KMT2C: variants seen among roughly 807,000 people sequenced by gnomAD.
KMT2C encodes the protein lysine methyltransferase 2C, also known as histone-lysine N-methyltransferase 2C.
A neutral mutation model predicts 507.9 loss-of-function variants in KMT2C; 88 were observed. That is an observed-to-expected ratio of 0.17 (90% CI 0.15 to 0.21). The LOEUF is 0.21. Ranked by LOEUF, KMT2C falls within the 10% of genes least tolerant of loss-of-function variation. KMT2C has a pLI of 1.00. For synonymous variants in KMT2C, 2,049 were observed against 2,080.8 expected, an observed-to-expected ratio of 0.98 and a Z score of 0.42; for missense variants, 4,954 against 5,957.8, an observed-to-expected ratio of 0.83 and a Z score of 5.55.
chr7:152,372,121 A>C (rs1209179328), intron 1 of KMT2C, among the ~76,000 whole-genome samples: 3 of 152,178 alleles, frequency 2.0e-5, no homozygotes. Flanking sequence ...ATTTTAAATG[A>C]AAAGAATTAA....
chr7:152,329,852 T>A (rs1198342837), intron 3 of KMT2C, among the ~76,000 whole-genome samples: 3 of 151,928 alleles, frequency 2.0e-5, no homozygotes, highest in Admixed American at 2.0e-4. Flanking sequence ...AATTATACAA[T>A]GATATATTAC....
intron 9 of KMT2C, among the ~76,000 whole-genome samples, chr7:152,258,154 A>G (rs1447965734): frequency 6.6e-5 from 10 of 152,240 alleles, no homozygotes; most frequent in Admixed American, 2.0e-4. Flanking sequence ...GCTGGGGCAC[A>G]GGAGGTATAA....
chr7:152,220,401 A>G, intron 23 of KMT2C, 122 bp downstream of exon 23: 1 of 766,308 alleles, frequency 1.3e-6, no homozygotes, highest in Non-Finnish European at 2.1e-6. Context: ...AGGGTCAGTC[A>G]CATCAGGGGT....
chr7:152,225,615 A>C (rs2094903678), intron 18 of KMT2C, among the ~76,000 whole-genome samples: 1 of 152,218 alleles, frequency 6.6e-6, no homozygotes, highest in South Asian at 2.1e-4. Context: ...GATATGCGGA[A>C]CAGAATGAGG....
At chr7:152,385,354 T>C (rs1346037465) in intron 1 of KMT2C, among the ~76,000 whole-genome samples, 1 of 141,604 alleles carries the variant, frequency 7.1e-6, no homozygotes, top group Non-Finnish European at 1.5e-5. Flanking sequence ...GGCTCACGCC[T>C]GTAATCCCAG....
intron 1 of KMT2C, among the ~76,000 whole-genome samples, chr7:152,426,992 T>C (rs1193898383): frequency 1.3e-5 from 2 of 152,018 alleles, no homozygotes; most frequent in Admixed American, 1.3e-4. Context: ...TGAAAGAATA[T>C]ACTCCCCAGA....
intron 17 of KMT2C, 96 bp downstream of exon 17, chr7:152,230,124 T>C (rs1208863735): frequency 1.1e-5 from 11 of 957,496 alleles, no homozygotes; most frequent in South Asian, 1.5e-5. Flanking sequence ...TATAGCTCTA[T>C]AGCTAAATAT....
chr7:152,167,048 CA>C (rs758737694), intron 42 of KMT2C, 97 bp downstream of exon 42: 44 of 959,856 alleles, frequency 4.6e-5, no homozygotes, highest in Non-Finnish European at 4.7e-5. Context: ...TAATACTAGT[CA>C]AAAAAAATCA....
chr7:152,276,990 G>C (rs891103394), intron 6 of KMT2C, among the ~76,000 whole-genome samples: 7 of 152,076 alleles, frequency 4.6e-5, no homozygotes, highest in African/African-American at 1.7e-4. Flanking sequence ...CCAATTTTAA[G>C]AATGAGTCTG....
intron 48 of KMT2C, among the ~76,000 whole-genome samples, chr7:152,153,760 A>G (rs548058575): frequency 1.1e-4 from 16 of 152,122 alleles, no homozygotes; most frequent in African/African-American, 3.1e-4. Context: ...AGAGTTCTCT[A>G]AAGTATACAT....
At chr7:152,215,507 C>G (rs1420394597) in intron 23 of KMT2C, among the ~76,000 whole-genome samples, 1 of 94,388 alleles carries the variant, frequency 1.1e-5, no homozygotes, top group Non-Finnish European at 1.8e-5. Flanking sequence ...CAGCAAGACT[C>G]TGTCTCAAAA....
chr7:152,393,680 G>A (rs2097518456), intron 1 of KMT2C, among the ~76,000 whole-genome samples: 1 of 152,136 alleles, frequency 6.6e-6, no homozygotes, highest in Non-Finnish European at 1.5e-5. Flanking sequence ...TTGGGAGGCT[G>A]AAGCAGGCAG....
Position 152,199,313 on chromosome 7 carries a change from A to C in KMT2C, c.4239T>G (p.Ser1413Arg), listed in dbSNP as rs2094061648. 6.3e-7 allele frequency: 1 copy of C among 1,599,388 alleles called. No homozygotes were observed. Among genetic ancestry groups the C allele is most frequent in the Admixed American group, 1.8e-5 (1 of 56,854 alleles). Reference protein sequence around the residue: ...FLDPSLDPLLSSSSAPTKSGT... With the variant: ...FLDPSLDPLLRSSSAPTKSGT... ...CAGATTTTGTTGGAGCCGAGGATGAACTAAGTAGTGGATCTAAGGAAGGAT... is the reference window on the plus strand; with the variant it reads ...CAGATTTTGTTGGAGCCGAGGATGACCTAAGTAGTGGATCTAAGGAAGGAT... Residue 1413 changes from serine to arginine, a missense_variant, in exon 27 of 59, where the codon AGT becomes AGG. Physicochemically the swap from Ser to Arg is moderately radical, Grantham distance 110. This residue lies in a region of KMT2C where 140 missense variants were observed against 118.4 expected (regional missense o/e 1.18). Transcript: ENST00000262189.
rs1166701811 is a variant in KMT2C, at chr7:152,323,222, GC to G, written c.389+7378del. ...ATCAATGTCAAAAGGATATCTGCAT[GC>G]CCATGCTTACTACAGCATTACTTAC... is the stretch of plus-strand genomic sequence containing the variant. On this transcript the variant is annotated intron_variant, in intron 3 of 58. Coordinates refer to ENST00000262189, the MANE Select transcript of KMT2C (RefSeq NM_170606.3). Among the ~76,000 whole-genome samples, 7 of 151,982 alleles carry G rather than the reference GC, an allele frequency of 4.6e-5. No individual in the cohort carries two copies. In the East Asian group the frequency reaches 1.3e-3, roughly 29 times the overall value.
At chr7:152,416,846 TTCAAGACTAGC>T (rs1363067782) in intron 1 of KMT2C, among the ~76,000 whole-genome samples, 1 of 146,704 alleles carries the variant, frequency 6.8e-6, no homozygotes, top group East Asian at 2.0e-4. Context: ...GAGACAGGAG[TTCAAGACTAGC>T]CTGGCCAACA....
At chr7:152,255,806 T>G (rs568721640) in intron 9 of KMT2C, among the ~76,000 whole-genome samples, 1 of 152,090 alleles carries the variant, frequency 6.6e-6, no homozygotes, top group Non-Finnish European at 1.5e-5. Flanking sequence ...GAATAGCCAG[T>G]TGGAAAAAGA....
At chr7:152,395,180 A>AT (rs938862747) in intron 1 of KMT2C, among the ~76,000 whole-genome samples, 5 of 152,286 alleles carry the variant, frequency 3.3e-5, no homozygotes, top group African/African-American at 1.2e-4. Flanking sequence ...CATTAAAAAA[A>AT]TTTTAAGGGT....
At chr7:152,188,150 C>T (rs1004521158) in intron 31 of KMT2C, among the ~76,000 whole-genome samples, 1 of 152,104 alleles carries the variant, frequency 6.6e-6, no homozygotes, top group African/African-American at 2.4e-5. Flanking sequence ...TAAATCAAAA[C>T]CTTTAATGCA....
chr7:152,240,917 C>G (rs189502135), intron 14 of KMT2C, among the ~76,000 whole-genome samples: 1 of 152,300 alleles, frequency 6.6e-6, no homozygotes, highest in African/African-American at 2.4e-5. Flanking sequence ...GAAGCCTTTC[C>G]CCACAGCAGC....
Sources: gnomAD v4.1 joint callset for allele counts (sites outside exome capture counted in the v4.1 genomes callset) on GRCh38, gnomAD v4.1.1 for gene constraint, gnomAD v4.1.1 regional missense constraint, MANE v1.5 for transcripts, NCBI Gene and HGNC (gene_info 2026-07-23, HGNC 2026-07-21) for gene names.